CNTNAP2: variants seen among roughly 807,000 people sequenced by gnomAD.
CNTNAP2 encodes contactin associated protein 2.
Under a neutral mutation model 155.2 loss-of-function variants are expected in CNTNAP2, and 98 were observed. That is an observed-to-expected ratio of 0.63 (90% CI 0.54 to 0.75). CNTNAP2 has a LOEUF of 0.75. Ranked by LOEUF, CNTNAP2 falls within the 30% of genes least tolerant of loss-of-function variation. The probability of loss-of-function intolerance (pLI) is 0.00; values close to 1 mark genes in which losing one functional copy is unlikely to be tolerated. For missense variants in CNTNAP2, 1,727 were observed against 1,688.1 expected (o/e 1.02, Z -0.40); for synonymous variants, 651 against 631.2 (o/e 1.03, Z -0.47).
At position 147,639,101 on chromosome 7, in the gene CNTNAP2, C is replaced by G; in HGVS notation, c.1898-5C>G. The G allele has an allele frequency of 6.2e-7, 1 of 1,613,942 alleles. No homozygotes were observed. Among genetic ancestry groups the G allele is most frequent in the Non-Finnish European group, 8.5e-7 (1 of 1,179,936 alleles). ...CCAGGGTCCTGGTTGTTTTTCTCCC[C>G]ACAGAGGACAAAGTGTGGACCATAG... On this transcript the variant is annotated splice_region_variant and splice_polypyrimidine_tract_variant and intron_variant, in intron 12 of 23. Transcript: ENST00000361727.
chr7:147,115,822 T>C (rs1365530598), intron 5 of CNTNAP2, among the ~76,000 whole-genome samples: 1 of 152,172 alleles, frequency 6.6e-6, no homozygotes, highest in Admixed American at 6.5e-5. Flanking sequence ...ATTTCAGCCA[T>C]CTCAGCCTTA....
chr7:148,139,188 G>A (rs1805013774), intron 16 of CNTNAP2, among the ~76,000 whole-genome samples: 1 of 152,178 alleles, frequency 6.6e-6, no homozygotes, highest in Non-Finnish European at 1.5e-5. Flanking sequence ...GCATTTCCTT[G>A]AAGAATTTCC....
chr7:147,065,779 C>G (rs181516397), intron 4 of CNTNAP2, among the ~76,000 whole-genome samples: 1 of 152,092 alleles, frequency 6.6e-6, no homozygotes, highest in Admixed American at 6.5e-5. Context: ...TTGCACAAAG[C>G]TAATAGGCAT....
At chr7:147,514,987 C>A (rs1037986421) in intron 11 of CNTNAP2, among the ~76,000 whole-genome samples, 6 of 152,186 alleles carry the variant, frequency 3.9e-5, no homozygotes, top group African/African-American at 1.4e-4. Flanking sequence ...TTAAAAACAA[C>A]AGCCTCCAAG....
intron 21 of CNTNAP2, among the ~76,000 whole-genome samples, chr7:148,284,259 G>T (rs1797042147): frequency 6.6e-6 from 1 of 152,106 alleles, no homozygotes; most frequent in South Asian, 2.1e-4. Flanking sequence ...GGAGATAATT[G>T]AATCATGGGG....
intron 13 of CNTNAP2, among the ~76,000 whole-genome samples, chr7:147,825,422 A>G (rs1317683744): frequency 1.3e-5 from 2 of 152,202 alleles, no homozygotes; most frequent in Non-Finnish European, 2.9e-5. Context: ...ACTTCAATTA[A>G]TATAGTTGGG....
chr7:146,854,675 T>C (rs1794942707), intron 3 of CNTNAP2, among the ~76,000 whole-genome samples: 1 of 152,166 alleles, frequency 6.6e-6, no homozygotes. Flanking sequence ...CATAGATACT[T>C]AGTATAGCAC....
rs1182910286 is a variant in CNTNAP2 at position 146,247,757 on chromosome 7, C to T, written c.97+130784C>T. Among the ~76,000 whole-genome samples the T allele has an allele frequency of 3.9e-5, 6 of 152,008 alleles. 1 individual carries two copies. Among genetic ancestry groups the T allele is most frequent in the Non-Finnish European group, 8.8e-5 (6 of 68,014 alleles). On this transcript the variant is annotated intron_variant, in intron 1 of 23. Coordinates refer to ENST00000361727, the MANE Select transcript of CNTNAP2 (RefSeq NM_014141.6). ...AAAATAAGACGCTTAGATTTTAGGT[C>T]AGGTGAGAGGTGAAGAGGTTTTAAG...
intron 9 of CNTNAP2, among the ~76,000 whole-genome samples, chr7:147,354,495 A>G (rs894130481): frequency 1.3e-5 from 2 of 151,996 alleles, no homozygotes; most frequent in African/African-American, 4.8e-5. Flanking sequence ...ATTGGTCTAT[A>G]TCTCTGTTTT....
At chr7:146,907,700 C>T (rs1005428025) in intron 3 of CNTNAP2, among the ~76,000 whole-genome samples, 4 of 149,948 alleles carry the variant, frequency 2.7e-5, no homozygotes, top group African/African-American at 9.8e-5. Flanking sequence ...AAAATCATGC[C>T]AAAATGTAAA....
chr7:148,337,506 C>T (rs1288117683), intron 21 of CNTNAP2, among the ~76,000 whole-genome samples: 1 of 152,198 alleles, frequency 6.6e-6, no homozygotes, highest in East Asian at 1.9e-4. Flanking sequence ...GGAACCACTG[C>T]TTTCAGTCAC....
At chr7:146,443,251 A>G (rs1278924062) in intron 1 of CNTNAP2, among the ~76,000 whole-genome samples, 2 of 150,826 alleles carry the variant, frequency 1.3e-5, no homozygotes, top group Non-Finnish European at 3.0e-5. Context: ...TAAATAAATA[A>G]ATAAATAGAT....
At chr7:147,907,150 G>A (rs1031769374) in intron 14 of CNTNAP2, among the ~76,000 whole-genome samples, 6 of 151,836 alleles carry the variant, frequency 4.0e-5, no homozygotes, top group Non-Finnish European at 7.4e-5. Flanking sequence ...TCTGCCTCCC[G>A]GGTTCACACC....
intron 18 of CNTNAP2, among the ~76,000 whole-genome samples, chr7:148,202,870 C>A (rs765257184): frequency 6.6e-6 from 1 of 152,204 alleles, no homozygotes; most frequent in Non-Finnish European, 1.5e-5. Flanking sequence ...ACAACAAACG[C>A]GTGGCCTAAA....
At chr7:146,639,019 A>G (rs540696682) in intron 1 of CNTNAP2, among the ~76,000 whole-genome samples, 72 of 152,294 alleles carry the variant, frequency 4.7e-4, no homozygotes, top group Admixed American at 2.8e-3. Flanking sequence ...AAACTTATCT[A>G]AAATAGAAAA....
chr7:146,534,172 A>C (rs1355149244), intron 1 of CNTNAP2, among the ~76,000 whole-genome samples: 1 of 152,144 alleles, frequency 6.6e-6, no homozygotes, highest in East Asian at 1.9e-4. Flanking sequence ...AAAATGGGGG[A>C]AAGAAGGACT....
intron 18 of CNTNAP2, among the ~76,000 whole-genome samples, chr7:148,173,984 A>C (rs2116693542): frequency 6.6e-6 from 1 of 152,338 alleles, no homozygotes; most frequent in East Asian, 1.9e-4. Flanking sequence ...GGCAATAGTC[A>C]TGAATAGAAA....
At chr7:146,365,405 A>G (rs1028262179) in intron 1 of CNTNAP2, among the ~76,000 whole-genome samples, 5 of 152,162 alleles carry the variant, frequency 3.3e-5, no homozygotes, top group East Asian at 1.9e-4. Flanking sequence ...TTCTTCACAC[A>G]TGCTCTCCAG....
At chr7:146,743,550 T>C (rs1056370712) in intron 1 of CNTNAP2, among the ~76,000 whole-genome samples, 1 of 151,948 alleles carries the variant, frequency 6.6e-6, no homozygotes, top group South Asian at 2.1e-4. Context: ...TTCACTCTTC[T>C]ATGCACTCCT....
Sources: gnomAD v4.1 joint callset for allele counts (sites outside exome capture counted in the v4.1 genomes callset) on GRCh38, gnomAD v4.1.1 for gene constraint, MANE v1.5 for transcripts, NCBI Gene and HGNC (gene_info 2026-07-23, HGNC 2026-07-21) for gene names.